SCML2: variants seen among roughly 807,000 people sequenced by gnomAD.
SCML2 encodes Scm polycomb group protein like 2.
SCML2 carries 6 observed loss-of-function variants against 48.4 expected under a neutral mutation model. That is an observed-to-expected ratio of 0.12 (90% confidence interval 0.07 to 0.24). The LOEUF is 0.24. Among genes scored for constraint, SCML2 ranks in the 10% least tolerant of loss-of-function variants. The pLI, the probability that SCML2 is intolerant of heterozygous loss-of-function variation, is 1.00. For synonymous variants in SCML2, 181 were observed against 189.5 expected (o/e 0.95, Z 0.37); for missense variants, 377 against 528.2 (o/e 0.71, Z 2.81).
chrX:18,256,367 G>A (rs767263774), intron 11 of SCML2, among the ~76,000 whole-genome samples: 5 of 111,354 alleles, frequency 4.5e-5, no homozygotes, highest in Non-Finnish European at 9.4e-5. Flanking sequence ...CAGGAAGATC[G>A]ATTGAATCTG....
At chrX:18,303,145 A>G (rs1178715275) in intron 7 of SCML2, among the ~76,000 whole-genome samples, 2 of 111,198 alleles carry the variant, frequency 1.8e-5, no homozygotes, top group African/African-American at 6.6e-5. Flanking sequence ...AAGGAAAAGG[A>G]AAGGACATGC....
At chrX:18,312,485 C>T (rs1328032788) in intron 6 of SCML2, among the ~76,000 whole-genome samples, 2 of 110,655 alleles carry the variant, frequency 1.8e-5, no homozygotes, top group South Asian at 3.9e-4. Flanking sequence ...ATGTAAATAG[C>T]TGTTATACTA....
At chrX:18,246,495 G>C in intron 13 of SCML2, 82 bp downstream of exon 13, 1 of 1,054,284 alleles carries the variant, frequency 9.5e-7, no homozygotes, top group Non-Finnish European at 1.3e-6. Flanking sequence ...TCTCCAATGT[G>C]ATACTCTCAG....
chrX:18,349,702 C>A (rs1395913885), intron 1 of SCML2, among the ~76,000 whole-genome samples: 1 of 111,166 alleles, frequency 9.0e-6, no homozygotes, highest in Admixed American at 9.5e-5. Flanking sequence ...GAGGCTGAGG[C>A]AAGAGAATCA....
At chrX:18,310,412 C>T (rs180760039) in intron 6 of SCML2, among the ~76,000 whole-genome samples, 1,268 of 107,242 alleles carry the variant, frequency 0.012, 24 homozygotes, top group African/African-American at 0.04. Context: ...ATTACAGGCG[C>T]GTGCCACCAC....
intron 1 of SCML2, among the ~76,000 whole-genome samples, chrX:18,349,852 C>T (rs1428508510): frequency 1.8e-5 from 2 of 112,053 alleles, no homozygotes; most frequent in African/African-American, 6.5e-5. Context: ...CCAAGGTAAC[C>T]CTAGAAATAG....
chrX:18,292,744 G>T (rs752186896), intron 7 of SCML2, among the ~76,000 whole-genome samples: 14 of 110,811 alleles, frequency 1.3e-4, no homozygotes, highest in African/African-American at 3.6e-4. Flanking sequence ...TAGCCTTCCA[G>T]ATTTTTTTTA....
intron 7 of SCML2, among the ~76,000 whole-genome samples, chrX:18,295,909 A>T (rs890152310): frequency 2.7e-5 from 3 of 112,322 alleles, no homozygotes; most frequent in Non-Finnish European, 1.9e-5. Flanking sequence ...TCATGCACTC[A>T]GAATCAAAGC....
At chrX:18,305,544 T>C (rs1928729517) in intron 6 of SCML2, among the ~76,000 whole-genome samples, 1 of 111,712 alleles carries the variant, frequency 9.0e-6, no homozygotes, top group Non-Finnish European at 1.9e-5. Flanking sequence ...ATCCCTGCTC[T>C]GGTGGAGCTT....
intron 7 of SCML2, among the ~76,000 whole-genome samples, chrX:18,303,062 G>A (rs1324913554): frequency 9.0e-6 from 1 of 111,051 alleles, no homozygotes; most frequent in African/African-American, 3.3e-5. Flanking sequence ...CCTAGCATAT[G>A]GTCCCCATCT....
chrX:18,336,568 C>G (rs1929823557), intron 1 of SCML2, among the ~76,000 whole-genome samples: 1 of 108,499 alleles, frequency 9.2e-6, no homozygotes, highest in Non-Finnish European at 1.9e-5. Context: ...AACCCCGTCT[C>G]TACTAAAAAA....
At chrX:18,281,711 C>CA (rs762908673) in intron 7 of SCML2, among the ~76,000 whole-genome samples, 833 of 28,052 alleles carry the variant, frequency 0.03, 9 homozygotes, top group Middle Eastern at 0.061. Context: ...GACTCTGTCT[C>CA]AAAAAAAAAA....
chrX:18,274,869 T>C (rs1436962291), intron 7 of SCML2, among the ~76,000 whole-genome samples: 1 of 111,772 alleles, frequency 8.9e-6, no homozygotes, highest in African/African-American at 3.3e-5. Flanking sequence ...CACAGACCTT[T>C]AGTCTGATAA....
At chrX:18,301,573 A>T (rs778659475) in intron 7 of SCML2, among the ~76,000 whole-genome samples, 1 of 111,329 alleles carries the variant, frequency 9.0e-6, no homozygotes, top group Admixed American at 9.6e-5. Flanking sequence ...ATAGTTCAAG[A>T]CCAGCCCGGA....
At chrX:18,295,496 T>C (rs1002518331) in intron 7 of SCML2, among the ~76,000 whole-genome samples, 22 of 103,939 alleles carry the variant, frequency 2.1e-4, no homozygotes, top group African/African-American at 7.2e-4. Flanking sequence ...GCAGGCACTG[T>C]TAACATGAAC....
chrX:18,258,316 A>G, intron 9 of SCML2, 69 bp from the exon 10 acceptor site: 3 of 796,765 alleles, frequency 3.8e-6, no homozygotes, highest in Non-Finnish European at 5.6e-6. Flanking sequence ...AAAACACTAC[A>G]TAATCAATTA....
chrX:18,333,905 A>T, intron 2 of SCML2, 145 bp downstream of exon 2: 1 of 432,030 alleles, frequency 2.3e-6, no homozygotes, highest in Middle Eastern at 6.2e-4. Flanking sequence ...ATAGCTATTC[A>T]GTTCTAAAAT....
Position 18,246,717 on chromosome X carries a change from T to C in SCML2, c.1682A>G (p.Asn561Ser), listed in dbSNP as rs1926459349. The change falls in exon 13 of 15, where the codon AAT (asparagine) becomes AGT (serine). Residue 561 changes from asparagine (N) to serine (S), a missense_variant. Around this residue, in one of 3 missense-constraint regions of SCML2, gnomAD observed 299 missense variants for 425.5 expected, o/e 0.70. Coordinates refer to ENST00000251900, the MANE Select transcript of SCML2 (RefSeq NM_006089.3). ...GACTGAAGTATGAATATACATAGGA[T>C]TTCTACAGGCAGGATTCAAATAATT... is the stretch of plus-strand genomic sequence containing the variant. ...SGNYLNPACR[N>S]PMYIHTSVSQ... is the part of the protein sequence containing the mutation. 2 of 1,208,201 alleles carry C rather than the reference T, an allele frequency of 1.7e-6. No individual in the cohort carries two copies. Among genetic ancestry groups the C allele is most frequent in the African/African-American group, 3.5e-5 (2 of 57,030 alleles).
chrX:18,272,975 C>T (rs1032487879), intron 7 of SCML2, among the ~76,000 whole-genome samples: 1 of 112,112 alleles, frequency 8.9e-6, no homozygotes, highest in African/African-American at 3.2e-5. Flanking sequence ...TCCACAGATA[C>T]AACCTTTTAG....
Sources: allele counts gnomAD v4.1 joint callset (sites outside exome capture counted in the v4.1 genomes callset), GRCh38; gene constraint gnomAD v4.1.1; regional missense constraint gnomAD v4.1.1; transcripts MANE v1.5; gene names NCBI Gene and HGNC (gene_info 2026-07-23, HGNC 2026-07-21).